Variants in CYP46A1 observed in about 807,000 individuals in gnomAD.
The protein encoded by CYP46A1 is cholesterol 24-hydroxylase.
In CYP46A1, 20 loss-of-function variants were observed where a neutral mutation model predicts 63.3. The ratio of observed to expected loss-of-function variants is 0.32; its 90% confidence interval spans 0.22 to 0.46. The LOEUF is 0.46. Ranked by LOEUF, CYP46A1 falls within the 20% of genes least tolerant of loss-of-function variation. The probability of loss-of-function intolerance (pLI) is 1.00; values close to 1 mark genes in which losing one functional copy is unlikely to be tolerated. For missense variants in CYP46A1, 445 were observed against 670.8 expected, an observed-to-expected ratio of 0.66 and a Z score of 3.72; for synonymous variants, 268 against 273.6, an observed-to-expected ratio of 0.98 and a Z score of 0.20.
At chr14:99,706,876 C>T (rs2056681469) in intron 6 of CYP46A1, 91 bp downstream of exon 6, 1 of 1,442,376 alleles carries the variant, frequency 6.9e-7, no homozygotes, top group Non-Finnish European at 9.3e-7. Flanking sequence ...CTTCCCCTCC[C>T]TCCTGCTCCT....
intron 5 of CYP46A1, among the ~76,000 whole-genome samples, chr14:99,701,703 A>G (rs924274652): frequency 1.3e-5 from 2 of 152,232 alleles, no homozygotes; most frequent in Non-Finnish European, 2.9e-5. Context: ...GTACGATTCA[A>G]TGGCGTTGGT....
At chr14:99,706,830 G>A (rs760890018) in intron 6 of CYP46A1, 45 bp downstream of exon 6, 1 of 1,594,482 alleles carries the variant, frequency 6.3e-7, no homozygotes, top group Admixed American at 1.7e-5. Flanking sequence ...GGCCACATGG[G>A]GTAGAGGGGT....
Position 99,725,519 on chromosome 14 carries a change from G to A in CYP46A1, c.1265+40G>A. On this transcript the variant is annotated intron_variant, in intron 13 of 14. Transcript: ENST00000261835. This position sits in a 1 kb window ranked among gnomAD's most constrained non-coding sequence, Gnocchi z 4.2. ...GAGCTGCCCATGAGTGGGGCTGGCGGGAGAAGGACAGACACAGCGGCCTCT... is the reference window on the plus strand; with the variant it reads ...GAGCTGCCCATGAGTGGGGCTGGCGAGAGAAGGACAGACACAGCGGCCTCT... 2.0e-6 allele frequency: 3 copies of A among 1,501,408 alleles called. No homozygotes were observed. Among genetic ancestry groups the A allele is most frequent in the Non-Finnish European group, 2.8e-6 (3 of 1,077,612 alleles). The allele number at this position is 1,501,408 out of a possible 1,614,324, so 93.0% of individuals were successfully genotyped here. A position where few individuals can be genotyped will look rare whatever the true frequency, so the allele number is the denominator to read the frequency against.
In CYP46A1 at chr14:99,684,442, G is replaced by T. The variant is rs1244766080; in HGVS notation, c.25G>T (p.Gly9Cys). The change falls in exon 1 of 15, where the codon GGC (glycine) becomes TGC (cysteine). Residue 9 changes from glycine (G) to cysteine (C), a missense_variant. Around this residue, in one of 4 missense-constraint regions of CYP46A1, gnomAD observed 252 missense variants for 383.3 expected, o/e 0.66. Transcript: ENST00000261835. ...CATGAGCCCCGGGCTGCTGCTGCTC[G>T]GCAGCGCCGTCCTGCTCGCCTTCGG... MSPGLLLL[G>C]SAVLLAFGLC... is the part of the protein sequence containing the mutation. 1.1e-5 allele frequency: 16 copies of T among 1,469,054 alleles called. No homozygotes were observed. The highest frequency in any genetic ancestry group is 1.3e-5 in the Non-Finnish European group (15 of 1,116,172). 91.0% of individuals were successfully genotyped at this position (1,469,054 alleles called of 1,614,324 possible).
chr14:99,691,062 T>C lies in CYP46A1; in HGVS notation c.120-19T>C, dbSNP rs747497028. ...TCCTGTTGACTGCTGGTAAGCCTAA[T>C]GTTTCCTGTTTCTTCTAGTTTCCTT... On this transcript the variant is annotated intron_variant, in intron 1 of 14. Coordinates refer to ENST00000261835, the MANE Select transcript of CYP46A1 (RefSeq NM_006668.2). The C allele has an allele frequency of 3.1e-6, 5 of 1,613,016 alleles. No homozygotes were observed. The Admixed American group carries it at 8.3e-5, about 27-fold the overall frequency.
chr14:99,702,312 T>C (rs1449092890), intron 5 of CYP46A1, among the ~76,000 whole-genome samples: 1 of 152,196 alleles, frequency 6.6e-6, no homozygotes, highest in East Asian at 1.9e-4. Flanking sequence ...CAAATAATAT[T>C]CCATTGTATG....
At chr14:99,698,521 G>A (rs973462551) in intron 3 of CYP46A1, among the ~76,000 whole-genome samples, 3 of 152,164 alleles carry the variant, frequency 2.0e-5, no homozygotes, top group African/African-American at 4.8e-5. Context: ...TGAGTGAACC[G>A]CAGGGTGCAG....
rs1595208270 is a variant in CYP46A1, at chr14:99,722,204, A to G, written c.1176+138A>G. 1.7e-6 allele frequency: 1 copy of G among 604,384 alleles called. No individual in the cohort carries two copies. Among genetic ancestry groups the G allele is most frequent in the African/African-American group, 1.8e-5 (1 of 54,194 alleles). The allele number at this position is 604,384 out of a possible 1,614,324, so 37.4% of individuals were successfully genotyped here. A position where few individuals can be genotyped will look rare whatever the true frequency, so the allele number is the denominator to read the frequency against. On this transcript the variant is annotated intron_variant, in intron 12 of 14. Transcript: ENST00000261835. The surrounding 1 kb of genome is among the most constrained non-coding windows in gnomAD (Gnocchi z 4.6). Reference sequence around the variant, plus strand: ...CTCACTGGCTGCCCTGGTCTTTCTCATGGAGTCTCACCATAGCCCTGTGAG... The same window carrying G: ...CTCACTGGCTGCCCTGGTCTTTCTCGTGGAGTCTCACCATAGCCCTGTGAG...
intron 10 of CYP46A1, among the ~76,000 whole-genome samples, chr14:99,719,378 A>ATTTTTTTTTTTTTTTTTTTT (rs55679517): frequency 1.8e-4 from 25 of 142,530 alleles, no homozygotes; most frequent in African/African-American, 6.7e-4. Flanking sequence ...CACCTGGCTA[A>ATTTTTTTTTTTTTTTTTTTT]TTTTTTTTTT....
rs940969515 is a variant in CYP46A1, at chr14:99,725,980, C to T, written c.1266-210C>T. On this transcript the variant is annotated intron_variant, in intron 13 of 14. Coordinates refer to ENST00000261835, the MANE Select transcript of CYP46A1 (RefSeq NM_006668.2). This position sits in a 1 kb window ranked among gnomAD's most constrained non-coding sequence, Gnocchi z 4.2. ...TCCATCTGTGAAATGGGGACAACAG[C>T]AGTTCCTTCCAGGAGGGTAAAAGGA... Among the ~76,000 whole-genome samples the T allele has an allele frequency of 1.3e-5, 2 of 152,212 alleles. No individual in the cohort carries two copies. Among genetic ancestry groups the T allele is most frequent in the African/African-American group, 4.8e-5 (2 of 41,444 alleles).
intron 7 of CYP46A1, among the ~76,000 whole-genome samples, chr14:99,713,591 A>G (rs1028802657): frequency 2.0e-5 from 3 of 151,982 alleles, no homozygotes; most frequent in African/African-American, 7.2e-5. Context: ...GAAAATAGAC[A>G]AACGTGGCCA....
intron 3 of CYP46A1, among the ~76,000 whole-genome samples, chr14:99,696,652 GAT>G (rs2056589497): frequency 6.6e-6 from 1 of 152,060 alleles, no homozygotes; most frequent in African/African-American, 2.4e-5. Flanking sequence ...GAATTTCTTA[GAT>G]ATGTGGGTTC....
chr14:99,716,071 A>G (rs2056787305), intron 8 of CYP46A1, 66 bp from the exon 9 acceptor site: 8 of 1,611,314 alleles, frequency 5.0e-6, no homozygotes, highest in Non-Finnish European at 6.8e-6. Flanking sequence ...ACAGTTAGTT[A>G]TTTTATGAGC....
rs35534717 is a variant in CYP46A1 at position 99,714,760 on chromosome 14, C to CAA, written c.694-1035_694-1034dup. Among the ~76,000 whole-genome samples the CAA allele has an allele frequency of 5.3e-3, 537 of 102,118 alleles. 2 individuals are homozygous for CAA. The highest frequency in any genetic ancestry group is 0.017 in the African/African-American group (450 of 25,834). The allele number at this position is 102,118 out of a possible 152,430, so 67.0% of individuals were successfully genotyped here. The stretch of plus-strand genomic sequence containing the variant: ...GGGCAACAAGAGTGAAACCCCATCT[C>CAA]AAAAAAAAAAAAAAAAGAAAAGAAA... On this transcript the variant is annotated intron_variant, in intron 7 of 14. Coordinates refer to ENST00000261835, the MANE Select transcript of CYP46A1 (RefSeq NM_006668.2).
chr14:99,691,188 C>T, intron 2 of CYP46A1, 27 bp downstream of exon 2: 1 of 1,612,438 alleles, frequency 6.2e-7, no homozygotes, highest in Non-Finnish European at 8.5e-7. Context: ...CACTTGTTGC[C>T]CTTACTCCAG....
intron 3 of CYP46A1, among the ~76,000 whole-genome samples, chr14:99,695,645 T>TATTA (rs1566827192): frequency 6.8e-6 from 1 of 146,620 alleles, no homozygotes; most frequent in South Asian, 2.2e-4. Flanking sequence ...TTATTATTAT[T>TATTA]TTGAGAAGCA....
intron 14 of CYP46A1, 43 bp from the exon 15 acceptor site, chr14:99,726,514 C>T: frequency 6.6e-7 from 1 of 1,504,338 alleles, no homozygotes; most frequent in Non-Finnish European, 8.9e-7. Context: ...CTCATTCTGT[C>T]TTTGCTCCTT....
At chr14:99,703,865 C>T (rs1179318003) in intron 5 of CYP46A1, 11 of 985,072 alleles carry the variant, frequency 1.1e-5, no homozygotes, top group African/African-American at 1.7e-5. Flanking sequence ...CTCAGTCTTA[C>T]TGGAAAGTTG....
At chr14:99,712,130 C>T (rs899421634) in intron 7 of CYP46A1, 24 of 152,150 alleles carry the variant, frequency 1.6e-4, no homozygotes, top group East Asian at 3.8e-4. Flanking sequence ...ATAGAAGGAA[C>T]GTAGCTCAAC....
Sources: gnomAD v4.1 joint callset for allele counts (sites outside exome capture counted in the v4.1 genomes callset) on GRCh38, gnomAD v4.1.1 for gene constraint, gnomAD v4.1.1 regional missense constraint, Gnocchi (gnomAD v3.1) non-coding constraint, MANE v1.5 for transcripts, NCBI Gene and HGNC (gene_info 2026-07-23, HGNC 2026-07-21) for gene names.